TCAIM: variants seen among roughly 807,000 people sequenced by gnomAD.
The protein encoded by TCAIM is T cell activation inhibitor, mitochondrial.
A neutral mutation model predicts 58.6 loss-of-function variants in TCAIM; 36 were observed. The observed-to-expected ratio is 0.61, with a 90% CI of 0.47 to 0.81. The LOEUF is 0.81. Ranked by LOEUF, TCAIM falls within the 30% of genes least tolerant of loss-of-function variation. The probability of loss-of-function intolerance (pLI) is 0.00; values close to 1 mark genes in which losing one functional copy is unlikely to be tolerated. For missense variants in TCAIM, 466 were observed against 579.6 expected, an observed-to-expected ratio of 0.80 and a Z score of 2.01; for synonymous variants, 172 against 193.6, an observed-to-expected ratio of 0.89 and a Z score of 0.93.
rs565196786 is a variant in TCAIM, at chr3:44,408,400, C to T, written c.*718C>T. The T allele has an allele frequency of 1.1e-4, 16 of 152,226 alleles. No homozygotes were observed. The East Asian group carries it at 2.9e-3, about 28-fold the overall frequency. The allele number at this position is 152,226 out of a possible 1,614,324, so 9.4% of individuals were successfully genotyped here. A position where few individuals can be genotyped will look rare whatever the true frequency, so the allele number is the denominator to read the frequency against. On this transcript the variant is annotated 3_prime_UTR_variant, in exon 11 of 11. Coordinates refer to ENST00000342649, the MANE Select transcript of TCAIM (RefSeq NM_173826.4). ...AAATTAGATAACCACCAATTTTGCC[C>T]AAGAGAAAGACTAGAAGGACTAAAA...
In TCAIM at chr3:44,361,457, A is replaced by G. The variant is rs763817761; in HGVS notation, c.258A>G (p.Thr86=). The change falls in exon 4 of 11, where the codon ACA becomes ACG. Residue 86 remains threonine, a synonymous_variant. Transcript: ENST00000342649. ...AGTCTTTGAAACCAACTCAGCTTAC[A>G]TTTTATGTAAGAGAAACAGACCAGA... The part of the protein sequence containing the change: ...GFKSLKPTQL[T]FYVRETDQSS... 1.1e-5 allele frequency: 18 copies of G among 1,612,822 alleles called. No homozygotes were observed. The highest frequency in any genetic ancestry group is 1.4e-5 in the Non-Finnish European group (17 of 1,179,480).
intron 3 of TCAIM, chr3:44,358,261 A>C (rs772005327): frequency 7.5e-7 from 1 of 1,328,792 alleles, no homozygotes; most frequent in East Asian, 2.3e-5. Flanking sequence ...ATTTTTCCTT[A>C]TGATGCATGC....
Position 44,396,825 on chromosome 3 carries a change from C to T in TCAIM, c.876C>T (p.His292=). 1 of 1,613,554 alleles carries T rather than the reference C, an allele frequency of 6.2e-7. No homozygotes were observed. ...TAGGAACAATGGATGTCCATCACCA[C>T]TGGACAAAAGTAAGAAAGAGCCTTA... ...VMLGTMDVHH[H]WTKLFERLPS... The change falls in exon 8 of 11, where the codon CAC becomes CAT. Residue 292 remains histidine, a synonymous_variant. Transcript: ENST00000342649.
intron 10 of TCAIM, among the ~76,000 whole-genome samples, chr3:44,407,079 T>C (rs968548759): frequency 6.6e-6 from 1 of 152,226 alleles, no homozygotes; most frequent in Non-Finnish European, 1.5e-5. Flanking sequence ...GGTTAAACTT[T>C]AGGTGGGTCC....
intron 5 of TCAIM, among the ~76,000 whole-genome samples, chr3:44,382,663 T>A (rs1368307434): frequency 6.6e-6 from 1 of 152,168 alleles, no homozygotes; most frequent in East Asian, 1.9e-4. Context: ...GGGCAGAAGA[T>A]TCATGACATT....
At chr3:44,362,211 T>G (rs1701305121) in intron 4 of TCAIM, among the ~76,000 whole-genome samples, 1 of 152,220 alleles carries the variant, frequency 6.6e-6, no homozygotes, top group Non-Finnish European at 1.5e-5. Context: ...GGATACACTG[T>G]AATTTTTTTT....
At chr3:44,389,851 C>G (rs1349136288) in intron 5 of TCAIM, among the ~76,000 whole-genome samples, 2 of 152,094 alleles carry the variant, frequency 1.3e-5, no homozygotes, top group African/African-American at 2.4e-5. Flanking sequence ...CCCCCAGTCC[C>G]TCTCCAGTCT....
At chr3:44,342,819 G>T (rs957063118) in intron 1 of TCAIM, among the ~76,000 whole-genome samples, 9 of 151,410 alleles carry the variant, frequency 5.9e-5, no homozygotes, top group Non-Finnish European at 1.0e-4. Context: ...TTGACCAATT[G>T]CATATAAGCT....
chr3:44,394,832 T>C (rs1701896801), intron 6 of TCAIM, among the ~76,000 whole-genome samples: 1 of 135,776 alleles, frequency 7.4e-6, no homozygotes, highest in South Asian at 2.4e-4. Context: ...AGACAGAGGT[T>C]GCAGTGAGCC....
chr3:44,395,170 C>CT (rs1701914724), intron 6 of TCAIM, among the ~76,000 whole-genome samples: 1 of 151,342 alleles, frequency 6.6e-6, no homozygotes, highest in East Asian at 1.9e-4. Context: ...ACAGCATTTA[C>CT]TACCTTTGTC....
At chr3:44,373,595 A>G (rs1701515704) in intron 5 of TCAIM, among the ~76,000 whole-genome samples, 1 of 152,164 alleles carries the variant, frequency 6.6e-6, no homozygotes, top group African/African-American at 2.4e-5. Flanking sequence ...CAGAGATTGC[A>G]GTGAACCAAG....
chr3:44,408,146 C>T lies in TCAIM; in HGVS notation c.*464C>T, dbSNP rs1702129507. On this transcript the variant is annotated 3_prime_UTR_variant, in exon 11 of 11. Transcript: ENST00000342649. ...TTTAGTGATATGTAAATGAAGGATT[C>T]TACAATAGTCATATATTTTTATATG... 2.0e-5 allele frequency: 3 copies of T among 152,356 alleles called. No individual in the cohort carries two copies. The highest frequency in any genetic ancestry group is 2.0e-4 in the Admixed American group (3 of 15,274). 9.4% of individuals were successfully genotyped at this position (152,356 alleles called of 1,614,324 possible).
intron 5 of TCAIM, among the ~76,000 whole-genome samples, chr3:44,373,230 A>G (rs1270247583): frequency 6.6e-6 from 1 of 152,130 alleles, no homozygotes; most frequent in African/African-American, 2.4e-5. Context: ...TAAAAACTCT[A>G]TTTAACCCAC....
At chr3:44,377,091 A>AAAAT (rs1288887149) in intron 5 of TCAIM, among the ~76,000 whole-genome samples, 2 of 152,194 alleles carry the variant, frequency 1.3e-5, no homozygotes, top group East Asian at 1.9e-4. Context: ...CTCCGTCTCA[A>AAAAT]AAATAAATAA....
intron 10 of TCAIM, among the ~76,000 whole-genome samples, chr3:44,402,251 A>G (rs1275748225): frequency 6.8e-6 from 1 of 147,466 alleles, no homozygotes; most frequent in African/African-American, 2.5e-5. Context: ...ATGGTGGGGA[A>G]AAAAAAAAAA....
chr3:44,367,946 G>A (rs1701408007), intron 5 of TCAIM: 1 of 395,268 alleles, frequency 2.5e-6, no homozygotes, highest in South Asian at 5.3e-5. Flanking sequence ...TGTATTTAAA[G>A]TTGTGGTCTT....
chr3:44,370,666 T>TTG (rs1295897048), intron 5 of TCAIM, among the ~76,000 whole-genome samples: 1 of 151,632 alleles, frequency 6.6e-6, no homozygotes, highest in African/African-American at 2.4e-5. Context: ...GATAGGTTTT[T>TTG]TGTTTTTTTT....
At chr3:44,351,959 T>C (rs1701100078) in intron 1 of TCAIM, among the ~76,000 whole-genome samples, 1 of 151,576 alleles carries the variant, frequency 6.6e-6, no homozygotes, top group Admixed American at 6.6e-5. Context: ...TCTATCATTC[T>C]ATTAATAACA....
At chr3:44,351,281 C>A (rs1349075728) in intron 1 of TCAIM, among the ~76,000 whole-genome samples, 5 of 151,794 alleles carry the variant, frequency 3.3e-5, no homozygotes, top group Non-Finnish European at 7.4e-5. Context: ...ATAGGTGGAT[C>A]TTTCTTACGG....
Sources: gnomAD v4.1 joint callset for allele counts (sites outside exome capture counted in the v4.1 genomes callset) on GRCh38, gnomAD v4.1.1 for gene constraint, MANE v1.5 for transcripts, NCBI Gene and HGNC (gene_info 2026-07-23, HGNC 2026-07-21) for gene names.